LHX3: variants seen among roughly 807,000 people sequenced by gnomAD.
LHX3 encodes the protein LIM/homeobox protein Lhx3.
LHX3 carries 21 observed loss-of-function variants against 32.4 expected under a neutral mutation model. The ratio of observed to expected loss-of-function variants is 0.65; its 90% CI spans 0.46 to 0.93. The LOEUF (loss-of-function observed/expected upper bound fraction) is 0.93, where lower values mean the gene tolerates loss of function less well. Among genes scored for constraint, LHX3 ranks in the 40% least tolerant of loss-of-function variants. LHX3 has a pLI of 0.00. For synonymous variants in LHX3, 258 were observed against 246.8 expected, an observed-to-expected ratio of 1.05 and a Z score of -0.43; for missense variants, 626 against 560.0, an observed-to-expected ratio of 1.12 and a Z score of -1.19.
intron 1 of LHX3, among the ~76,000 whole-genome samples, chr9:136,202,064 G>A (rs1368903602): frequency 6.6e-6 from 1 of 152,106 alleles, no homozygotes; most frequent in African/African-American, 2.4e-5. Context: ...CTGTGTCAGG[G>A]ATGGCGGGGT....
At position 136,197,273 on chromosome 9, in the gene LHX3, C is replaced by T. The variant is rs982909821; in HGVS notation, c.*52G>A. On this transcript the variant is annotated 3_prime_UTR_variant, in exon 6 of 6. Coordinates refer to ENST00000371748, the MANE Select transcript of LHX3 (RefSeq NM_178138.6). ...GGAAACCCCAGCAGCCCCGAGCCGCCCACCCAGGGGCAGCTCCCTCGTGTG... is the reference window on the plus strand; with the variant it reads ...GGAAACCCCAGCAGCCCCGAGCCGCTCACCCAGGGGCAGCTCCCTCGTGTG... 3.1e-5 allele frequency: 49 copies of T among 1,598,728 alleles called. No individual in the cohort carries two copies. The African/African-American group carries it at 6.0e-4, about 20-fold the overall frequency.
In LHX3 at chr9:136,196,779, T is replaced by A. The variant is rs996688995; in HGVS notation, c.*546A>T. 2 of 154,434 alleles carry A rather than the reference T, an allele frequency of 1.3e-5. No individual in the cohort carries two copies. Among genetic ancestry groups the A allele is most frequent in the Admixed American group, 6.4e-5 (1 of 15,552 alleles). 9.6% of individuals were successfully genotyped at this position (154,434 alleles called of 1,614,324 possible). On this transcript the variant is annotated 3_prime_UTR_variant, in exon 6 of 6. Transcript: ENST00000371748. Reference sequence around the variant, plus strand: ...GGGCTGGAGGCAGAGAGGCCCCCTGTGGTCTGGGGAGAGGAGGGGGCCTCT... The same window carrying A: ...GGGCTGGAGGCAGAGAGGCCCCCTGAGGTCTGGGGAGAGGAGGGGGCCTCT...
At position 136,197,856 on chromosome 9, in the gene LHX3, CCACAT is replaced by C. The variant is rs538266462; in HGVS notation, c.776-118_776-114del. 628 of 1,145,460 alleles carry C rather than the reference CCACAT, an allele frequency of 5.5e-4. No individual in the cohort carries two copies. In the African/African-American group the frequency reaches 8.4e-3, roughly 15 times the overall value. 71.0% of individuals were successfully genotyped at this position (1,145,460 alleles called of 1,614,324 possible). ...TCGGAGAAAGAGTGGCTGCCCCACA[CCACAT>C]GACAGGTCATAACAGGCCCCTTCTA... is the stretch of plus-strand genomic sequence containing the variant. On this transcript the variant is annotated intron_variant, in intron 5 of 5. Transcript: ENST00000371748.
At chr9:136,200,523 G>A (rs528639325) in intron 2 of LHX3, 59 bp downstream of exon 2, 1 of 1,548,706 alleles carries the variant, frequency 6.5e-7, no homozygotes, top group African/African-American at 1.4e-5. Context: ...GTGAGGGGAG[G>A]AGTCCCTGGG....
At chr9:136,199,964 C>T (rs1213819022) in intron 2 of LHX3, 84 bp from the exon 3 acceptor site, 1 of 1,400,512 alleles carries the variant, frequency 7.1e-7, no homozygotes, top group African/African-American at 1.4e-5. Flanking sequence ...CAAGCGGCTG[C>T]CTGGGAAGGC....
intron 1 of LHX3, 83 bp downstream of exon 1, chr9:136,204,851 G>T: frequency 8.6e-7 from 1 of 1,156,312 alleles, no homozygotes. Context: ...TTCTTTGCCT[G>T]GCCGCTGGCC....
rs549203943 is a variant in LHX3, at chr9:136,199,895, G to A, written c.252-15C>T. ...TCCCGAAGCGCCTGCGGGACGCACA[G>A]GGCCGGGCTCAGCGCGGAAGCGCGA... is the stretch of plus-strand genomic sequence containing the variant. On this transcript the variant is annotated splice_polypyrimidine_tract_variant and intron_variant, in intron 2 of 5. Coordinates refer to ENST00000371748, the MANE Select transcript of LHX3 (RefSeq NM_178138.6). 44 of 1,571,932 alleles carry A rather than the reference G, an allele frequency of 2.8e-5. 1 individual carries two copies. The South Asian group carries it at 4.9e-4, about 18-fold the overall frequency.
intron 1 of LHX3, chr9:136,201,502 G>A: frequency 8.5e-7 from 1 of 1,182,818 alleles, no homozygotes; most frequent in South Asian, 4.3e-5. Context: ...GTGCCCTGTG[G>A]GAGCCTCGAG....
At chr9:136,197,851 C>T (rs1831535957) in intron 5 of LHX3, 108 bp from the exon 6 acceptor site, 1 of 1,192,772 alleles carries the variant, frequency 8.4e-7, no homozygotes, top group Non-Finnish European at 1.2e-6. Context: ...AGTGGCTGCC[C>T]CACACCACAT....
rs1263790485 is a variant in LHX3, at chr9:136,205,101, G to C, written c.-89C>G. 3.5e-6 allele frequency: 4 copies of C among 1,155,606 alleles called. No homozygotes were observed. The highest frequency in any genetic ancestry group is 4.8e-5 in the Admixed American group (2 of 41,270). 71.6% of individuals were successfully genotyped at this position (1,155,606 alleles called of 1,614,324 possible). A position where few individuals can be genotyped will look rare whatever the true frequency, so the allele number is the denominator to read the frequency against. On this transcript the variant is annotated 5_prime_UTR_variant, in exon 1 of 6. Coordinates refer to ENST00000371748, the MANE Select transcript of LHX3 (RefSeq NM_178138.6). The stretch of plus-strand genomic sequence containing the variant: ...CGGGGCTCCCAAGTCCCGCCGCGTC[G>C]TGCGGGGCAGGGAGCCCGGGAGCCA...
intron 1 of LHX3, chr9:136,201,766 A>G (rs1831644854): frequency 1.1e-6 from 1 of 916,114 alleles, no homozygotes; most frequent in Non-Finnish European, 1.3e-6. Flanking sequence ...CCGGCGATGA[A>G]TGCGCCCCGC....
At chr9:136,199,981 G>T in intron 2 of LHX3, 101 bp from the exon 3 acceptor site, 1 of 1,258,010 alleles carries the variant, frequency 7.9e-7, no homozygotes, top group Non-Finnish European at 1.1e-6. Flanking sequence ...AGGCGGCCCC[G>T]GAGGAAGGCT....
intron 1 of LHX3, among the ~76,000 whole-genome samples, chr9:136,204,085 G>A (rs1831705493): frequency 6.6e-6 from 1 of 152,246 alleles, no homozygotes; most frequent in South Asian, 2.1e-4. Flanking sequence ...AGGGGCTGAT[G>A]CCATCCTGCA....
At chr9:136,202,424 G>A (rs977003287) in intron 1 of LHX3, among the ~76,000 whole-genome samples, 17 of 152,292 alleles carry the variant, frequency 1.1e-4, no homozygotes, top group African/African-American at 3.6e-4. Flanking sequence ...CTGGAGAAGA[G>A]AGGCTTTTTC....
intron 1 of LHX3, chr9:136,201,514 CTG>C (rs1564284713): frequency 7.7e-6 from 9 of 1,164,798 alleles, no homozygotes; most frequent in Admixed American, 4.7e-5. Context: ...AGCCTCGAGT[CTG>C]TGAGCGGGTT....
chr9:136,198,465 C>G (rs1308402726), intron 5 of LHX3, among the ~76,000 whole-genome samples, 187 bp downstream of exon 5: 2 of 152,202 alleles, frequency 1.3e-5, no homozygotes, highest in East Asian at 3.9e-4. Flanking sequence ...AGCAGTGGTC[C>G]GGAGTGGCCA....
chr9:136,202,769 C>T (rs1351080696), intron 1 of LHX3, among the ~76,000 whole-genome samples: 1 of 152,220 alleles, frequency 6.6e-6, no homozygotes, highest in Non-Finnish European at 1.5e-5. Context: ...CCCTGACAAC[C>T]CAGGCCAGGG....
rs893171120 is a variant in LHX3 at position 136,199,827 on chromosome 9, A to G, written c.305T>C (p.Val102Ala). The G allele has an allele frequency of 6.2e-7, 1 of 1,610,166 alleles. No homozygotes were observed. Among genetic ancestry groups the G allele is most frequent in the Non-Finnish European group, 8.5e-7 (1 of 1,178,560 alleles). ...CACGAAGTCCTGGGCGCGGCGCACC[A>G]CCTGCGTGGGCGGGATGCCCAGCTG... is the stretch of plus-strand genomic sequence containing the variant. ...ACQLGIPPTQ[V>A]VRRAQDFVYH... The change falls in exon 3 of 6, where the codon GTG (valine) becomes GCG (alanine). Residue 102 changes from valine to alanine, a missense_variant. Coordinates refer to ENST00000371748, the MANE Select transcript of LHX3 (RefSeq NM_178138.6).
chr9:136,198,849 C>G lies in LHX3; in HGVS notation c.607-29G>C, dbSNP rs1831561769. 3 of 1,597,710 alleles carry G rather than the reference C, an allele frequency of 1.9e-6. No homozygotes were observed. In the East Asian group the frequency reaches 6.7e-5, roughly 36 times the overall value. On this transcript the variant is annotated intron_variant, in intron 4 of 5. Coordinates refer to ENST00000371748, the MANE Select transcript of LHX3 (RefSeq NM_178138.6). ...GGGGCGGGGCGGGGTGAGCGGCCGC[C>G]CGGCTCTGCGGGGGCCCCCAAGGCC...
Sources: gnomAD v4.1 joint callset for allele counts (sites outside exome capture counted in the v4.1 genomes callset) on GRCh38, gnomAD v4.1.1 for gene constraint, MANE v1.5 for transcripts, NCBI Gene and HGNC (gene_info 2026-07-23, HGNC 2026-07-21) for gene names.